Variants in DLGAP1 observed in about 807,000 individuals in gnomAD.
The protein encoded by DLGAP1 is disks large-associated protein 1.
A neutral mutation model predicts 90.8 loss-of-function variants in DLGAP1; 11 were observed. That is an observed-to-expected ratio of 0.12 (90% CI 0.08 to 0.20). The LOEUF (loss-of-function observed/expected upper bound fraction) is 0.20, where lower values mean the gene tolerates loss of function less well. Among genes scored for constraint, DLGAP1 ranks in the 10% least tolerant of loss-of-function variants. The pLI, the probability that DLGAP1 is intolerant of heterozygous loss-of-function variation, is 1.00. For synonymous variants in DLGAP1, 558 were observed against 540.7 expected (o/e 1.03, Z -0.44); for missense variants, 1,050 against 1,333.8 (o/e 0.79, Z 3.31).
intron 2 of DLGAP1, among the ~76,000 whole-genome samples, chr18:4,070,857 T>C (rs576914267): frequency 2.0e-5 from 3 of 152,248 alleles, no homozygotes; most frequent in African/African-American, 7.2e-5. Context: ...ATCTATCATA[T>C]TCTATTAAAA....
intron 7 of DLGAP1, among the ~76,000 whole-genome samples, chr18:3,598,586 G>C (rs1256832146): frequency 6.7e-6 from 1 of 149,784 alleles, no homozygotes; most frequent in African/African-American, 2.5e-5. Context: ...TCCTGACTCA[G>C]CCTCCCTAGT....
At chr18:4,352,423 G>A (rs758483650) in intron 1 of DLGAP1, among the ~76,000 whole-genome samples, 11 of 151,980 alleles carry the variant, frequency 7.2e-5, no homozygotes, top group Admixed American at 1.3e-4. Context: ...ATGTCCTATC[G>A]ATCAAGCTAA....
rs142557520 is a variant in DLGAP1 at position 4,430,333 on chromosome 18, T to C, written c.-267+24673A>G. Among the ~76,000 whole-genome samples the C allele has an allele frequency of 4.2e-4, 64 of 152,330 alleles. 1 individual carries two copies. The East Asian group carries it at 0.011, about 27-fold the overall frequency. ...TTTATAGCTAAAAAGCGATATTCAC[T>C]TCCCCCAAATTAAAAGTTCTAGATC... is the stretch of plus-strand genomic sequence containing the variant. On this transcript the variant is annotated intron_variant, in intron 1 of 12. Transcript: ENST00000315677.
Position 4,342,786 on chromosome 18 carries a change from A to G in DLGAP1, c.-267+112220T>C, listed in dbSNP as rs2081220756. Among the ~76,000 whole-genome samples, 2 of 152,194 alleles carry G rather than the reference A, an allele frequency of 1.3e-5. No individual in the cohort carries two copies. The highest frequency in any genetic ancestry group is 2.9e-5 in the Non-Finnish European group (2 of 68,026). ...CACTGGAAATAAACCCCCCAAAATG[A>G]AGAATATTTAATAGACAGAAAATCT... On this transcript the variant is annotated intron_variant, in intron 1 of 12. Coordinates refer to ENST00000315677, the MANE Select transcript of DLGAP1 (RefSeq NM_004746.4). The surrounding 1 kb of genome is among the most constrained non-coding windows in gnomAD (Gnocchi z 5.8).
intron 7 of DLGAP1, among the ~76,000 whole-genome samples, chr18:3,642,419 T>C (rs546519572): frequency 2.6e-5 from 4 of 152,242 alleles, no homozygotes; most frequent in Admixed American, 6.5e-5. Flanking sequence ...ACCTGGCATA[T>C]GTAAATGTGA....
intron 2 of DLGAP1, among the ~76,000 whole-genome samples, chr18:4,018,592 C>G (rs1265486928): frequency 6.6e-6 from 1 of 152,146 alleles, no homozygotes; most frequent in African/African-American, 2.4e-5. Flanking sequence ...TCCCATGTAA[C>G]CTGCATATAA....
intron 4 of DLGAP1, among the ~76,000 whole-genome samples, chr18:3,875,646 A>G (rs972275847): frequency 6.6e-6 from 1 of 152,208 alleles, no homozygotes; most frequent in Non-Finnish European, 1.5e-5. Context: ...CAACTGTGAA[A>G]TATCTCTAGA....
chr18:3,864,498 A>C (rs1395888567), intron 4 of DLGAP1, among the ~76,000 whole-genome samples: 2 of 152,188 alleles, frequency 1.3e-5, no homozygotes, highest in Non-Finnish European at 2.9e-5. Context: ...AATTAACTTC[A>C]TCTGGGCTTA....
chr18:3,860,098 C>CAAAAAAAAAAAAAAAAAAAAA (rs1169488386), intron 4 of DLGAP1, among the ~76,000 whole-genome samples: 40 of 104,916 alleles, frequency 3.8e-4, no homozygotes, highest in African/African-American at 7.4e-4. Flanking sequence ...GACTCTGTCT[C>CAAAAAAAAAAAAAAAAAAAAA]AAAAAATAAA....
At chr18:3,961,442 C>G (rs1179515578) in intron 3 of DLGAP1, among the ~76,000 whole-genome samples, 2 of 152,156 alleles carry the variant, frequency 1.3e-5, no homozygotes, top group Admixed American at 6.5e-5. Context: ...AAGATGAGAG[C>G]AGGCCAGTCC....
chr18:3,863,319 A>G (rs2070195403), intron 4 of DLGAP1, among the ~76,000 whole-genome samples: 1 of 152,180 alleles, frequency 6.6e-6, no homozygotes, highest in African/African-American at 2.4e-5. Flanking sequence ...TTTATGCCTC[A>G]TGTGTTCATC....
intron 3 of DLGAP1, among the ~76,000 whole-genome samples, chr18:3,929,939 A>T (rs576348411): frequency 2.0e-5 from 3 of 152,224 alleles, no homozygotes; most frequent in Non-Finnish European, 4.4e-5. Context: ...TGAAGCTTGC[A>T]GTCTTGTACC....
rs551480588 is a variant in DLGAP1, at chr18:4,178,369, T to A, written c.-266-27082A>T. ...ACTATAAGCACACACCACTATATAT[T>A]TTTTTTTATCTCTGCTTACTTGATT... On this transcript the variant is annotated intron_variant, in intron 1 of 12. Coordinates refer to ENST00000315677, the MANE Select transcript of DLGAP1 (RefSeq NM_004746.4). 5.1e-4 allele frequency among the ~76,000 whole-genome samples: 77 copies of A among 151,712 alleles called. 3 individuals carry two copies. The highest frequency in any genetic ancestry group is 1.6e-3 in the Admixed American group (25 of 15,220).
chr18:4,056,322 C>T (rs1034045181), intron 2 of DLGAP1, among the ~76,000 whole-genome samples: 2 of 152,188 alleles, frequency 1.3e-5, no homozygotes, highest in African/African-American at 4.8e-5. Context: ...GCACTGTTTG[C>T]TAGCTGTGCC....
rs553430942 is a variant in DLGAP1, at chr18:4,185,774, C to T, written c.-266-34487G>A. Among the ~76,000 whole-genome samples the T allele has an allele frequency of 5.3e-5, 8 of 152,070 alleles. No individual in the cohort carries two copies. The East Asian group carries it at 7.7e-4, about 15-fold the overall frequency. ...GCATGCGTGGGTCTTTATGGTAGAA[C>T]GATTTGTATTCCATTGGGTATACAC... On this transcript the variant is annotated intron_variant, in intron 1 of 12. Coordinates refer to ENST00000315677, the MANE Select transcript of DLGAP1 (RefSeq NM_004746.4).
intron 5 of DLGAP1, among the ~76,000 whole-genome samples, chr18:3,788,920 C>T (rs2065591631): frequency 1.3e-5 from 2 of 152,234 alleles, no homozygotes; most frequent in Admixed American, 6.5e-5. Context: ...ACAGCCACAA[C>T]AAAACCATTC....
intron 7 of DLGAP1, among the ~76,000 whole-genome samples, chr18:3,712,460 C>A (rs766790222): frequency 6.6e-6 from 1 of 152,210 alleles, no homozygotes; most frequent in Non-Finnish European, 1.5e-5. Context: ...ATGCTTCTCA[C>A]CTGTACCTGT....
chr18:4,266,035 G>A (rs2079124607), intron 1 of DLGAP1, among the ~76,000 whole-genome samples: 1 of 152,002 alleles, frequency 6.6e-6, no homozygotes, highest in Admixed American at 6.6e-5. Flanking sequence ...ACTCTCTTAA[G>A]ATATTTTGCT....
intron 3 of DLGAP1, among the ~76,000 whole-genome samples, chr18:3,914,251 T>C (rs1344992156): frequency 2.0e-5 from 3 of 152,216 alleles, no homozygotes; most frequent in African/African-American, 7.2e-5. Context: ...TTTTACTCTC[T>C]GCTTCTACGA....
Sources: gnomAD v4.1 joint callset for allele counts (sites outside exome capture counted in the v4.1 genomes callset) on GRCh38, gnomAD v4.1.1 for gene constraint, Gnocchi (gnomAD v3.1) non-coding constraint, MANE v1.5 for transcripts, NCBI Gene and HGNC (gene_info 2026-07-23, HGNC 2026-07-21) for gene names.